Variants in SCOC observed in about 807,000 individuals in gnomAD.
The protein encoded by SCOC is short coiled coil protein.
In SCOC, 7 loss-of-function variants were observed where a neutral mutation model predicts 9.9. The ratio of observed to expected loss-of-function variants is 0.71; its 90% CI spans 0.40 to 1.33. The LOEUF (loss-of-function observed/expected upper bound fraction) is 1.33, where lower values mean the gene tolerates loss of function less well. Ranked by LOEUF, SCOC falls within the 40% of genes most tolerant of loss-of-function variation. The pLI is 0.01. For synonymous variants in SCOC, 19 were observed against 28.2 expected, an observed-to-expected ratio of 0.67 and a Z score of 1.03; for missense variants, 66 against 89.7, an observed-to-expected ratio of 0.74 and a Z score of 1.07.
At chr4:140,354,509 CTTTTTTTTT>C (rs397878492) in intron 2 of SCOC, among the ~76,000 whole-genome samples, 2 of 103,730 alleles carry the variant, frequency 1.9e-5, no homozygotes, top group Admixed American at 2.1e-4. Context: ...TCTCAAAGAA[CTTTTTTTTT>C]TTTTTTTTTT....
intron 1 of SCOC, among the ~76,000 whole-genome samples, chr4:140,278,547 C>A (rs1731034851): frequency 6.6e-6 from 1 of 152,174 alleles, no homozygotes; most frequent in Admixed American, 6.5e-5. Context: ...TGTCCACCCG[C>A]CTCAGCCTCC....
At chr4:140,351,169 A>C (rs1259988877) in intron 2 of SCOC, among the ~76,000 whole-genome samples, 1 of 151,722 alleles carries the variant, frequency 6.6e-6, no homozygotes, top group African/African-American at 2.4e-5. Context: ...CAGCCTGGGC[A>C]ACAAGAGCGA....
chr4:140,339,751 A>T (rs1206085329), upstream of SCOC, among the ~76,000 whole-genome samples: 1 of 152,214 alleles, frequency 6.6e-6, no homozygotes, highest in Non-Finnish European at 1.5e-5. Flanking sequence ...CCACAATGAG[A>T]TACCATCTCA....
At chr4:140,335,637 T>A (rs114912638) in intron 1 of SCOC, among the ~76,000 whole-genome samples, 2,256 of 152,252 alleles carry the variant, frequency 0.015, 64 homozygotes, top group African/African-American at 0.052. Context: ...CCTGATTGCA[T>A]ACACTCCAGA....
At chr4:140,299,700 A>G (rs562632896) in intron 1 of SCOC, among the ~76,000 whole-genome samples, 1 of 152,266 alleles carries the variant, frequency 6.6e-6, no homozygotes, top group African/African-American at 2.4e-5. Flanking sequence ...TATTTATGAG[A>G]CTTTATTTCT....
chr4:140,276,397 C>T (rs577939904), intron 1 of SCOC, among the ~76,000 whole-genome samples: 26 of 152,120 alleles, frequency 1.7e-4, no homozygotes, highest in Middle Eastern at 3.4e-3. Context: ...CCTTGGCCTC[C>T]CAAAGTGCTG....
At chr4:140,326,301 C>A (rs1378264714) in intron 1 of SCOC, among the ~76,000 whole-genome samples, 1 of 151,604 alleles carries the variant, frequency 6.6e-6, no homozygotes, top group African/African-American at 2.4e-5. Flanking sequence ...CCCCATAGAA[C>A]AGTAGTCTAC....
chr4:140,367,616 G>C (rs1424748249), intron 2 of SCOC, among the ~76,000 whole-genome samples: 1 of 152,042 alleles, frequency 6.6e-6, no homozygotes, highest in Non-Finnish European at 1.5e-5. Flanking sequence ...CTGACCTCAT[G>C]ATCCACCTGC....
At position 140,376,253 on chromosome 4, in the gene SCOC, A is replaced by G. The variant is rs139202101; in HGVS notation, c.-51+2536A>G. Among the ~76,000 whole-genome samples the G allele has an allele frequency of 3.2e-3, 482 of 152,334 alleles. 5 individuals are homozygous for G. The highest frequency in any genetic ancestry group is 0.011 in the African/African-American group (456 of 41,582). Reference sequence around the variant, plus strand: ...CAAGTCTTTTGATCCCATATGTCAAACAAATCAGTTTATTGCCCTAAATCT... The same window carrying G: ...CAAGTCTTTTGATCCCATATGTCAAGCAAATCAGTTTATTGCCCTAAATCT... On this transcript the variant is annotated intron_variant, in intron 1 of 3. Transcript: ENST00000608372.
At chr4:140,310,583 T>G (rs1247962384) in intron 1 of SCOC, among the ~76,000 whole-genome samples, 2 of 152,230 alleles carry the variant, frequency 1.3e-5, no homozygotes, top group Non-Finnish European at 2.9e-5. Context: ...TTCTCCCTCG[T>G]GCATTCCTGC....
chr4:140,284,743 A>C, intron 1 of SCOC: 1 of 150,786 alleles, frequency 6.6e-6, no homozygotes, highest in South Asian at 2.1e-4. Context: ...GAGCCAGTGA[A>C]TCTGACTACA....
rs545453992 is a variant in SCOC, at chr4:140,343,495, G to C, written c.-19+26G>C. ...GTGAGAACTTCTCAGGTGGAAAGCA[G>C]GAAGAGGGTGGCTAGTGCAAGGATC... is the stretch of plus-strand genomic sequence containing the variant. On this transcript the variant is annotated intron_variant, in intron 1 of 4. Transcript: ENST00000338517. 3.6e-5 allele frequency: 22 copies of C among 608,152 alleles called. No homozygotes were observed. The South Asian group carries it at 4.7e-4, about 13-fold the overall frequency. 37.7% of individuals were successfully genotyped at this position (608,152 alleles called of 1,614,324 possible).
rs1255086077 is a variant in SCOC at position 140,385,170 on chromosome 4, T to C, written c.*4066T>C. On this transcript the variant is annotated 3_prime_UTR_variant, in exon 4 of 4. Transcript: ENST00000608372. ...TATGCAAAATGTGTCCTCTTTATAGTCCCTTTGGACTCACAGCAGGTTACT... is the reference window on the plus strand; with the variant it reads ...TATGCAAAATGTGTCCTCTTTATAGCCCCTTTGGACTCACAGCAGGTTACT... 6.6e-6 allele frequency: 1 copy of C among 152,190 alleles called. No individual in the cohort carries two copies. Among genetic ancestry groups the C allele is most frequent in the African/African-American group, 2.4e-5 (1 of 41,450 alleles). The allele number at this position is 152,190 out of a possible 1,614,324, so 9.4% of individuals were successfully genotyped here. A position where few individuals can be genotyped will look rare whatever the true frequency, so the allele number is the denominator to read the frequency against.
rs536722304 is a variant in SCOC at position 140,345,523 on chromosome 4, A to C, written c.70+1815A>C. On this transcript the variant is annotated intron_variant, in intron 2 of 4. Transcript: ENST00000338517. ...CTGGTAACACTGGTTCATCTTTGTT[A>C]ATAAAACGTTCTTGGGCTTTGATAA... Among the ~76,000 whole-genome samples, 17 of 152,318 alleles carry C rather than the reference A, an allele frequency of 1.1e-4. 1 individual carries two copies. In the South Asian group the frequency reaches 3.5e-3, roughly 32 times the overall value.
chr4:140,375,881 G>C (rs1411060507), intron 1 of SCOC, among the ~76,000 whole-genome samples: 1 of 152,160 alleles, frequency 6.6e-6, no homozygotes, highest in Admixed American at 6.5e-5. Flanking sequence ...GGGTAAGGTG[G>C]TTTAGGATAG....
intron 1 of SCOC, among the ~76,000 whole-genome samples, chr4:140,328,763 T>G (rs1732725275): frequency 6.6e-6 from 1 of 152,230 alleles, no homozygotes; most frequent in Non-Finnish European, 1.5e-5. Context: ...TGATTCCATC[T>G]GACACATGTC....
At chr4:140,286,261 T>G (rs1015826519) in intron 1 of SCOC, among the ~76,000 whole-genome samples, 2 of 151,510 alleles carry the variant, frequency 1.3e-5, no homozygotes, top group African/African-American at 4.9e-5. Flanking sequence ...GTGGCTGGCA[T>G]AGAGTAGGTA....
At chr4:140,365,738 G>C (rs758955383) in intron 2 of SCOC, among the ~76,000 whole-genome samples, 1 of 152,040 alleles carries the variant, frequency 6.6e-6, no homozygotes, top group Admixed American at 6.6e-5. Flanking sequence ...CCACTTCCAC[G>C]TAATGTAAAT....
chr4:140,323,888 TAA>T (rs1315559196), intron 1 of SCOC, among the ~76,000 whole-genome samples: 1 of 152,118 alleles, frequency 6.6e-6, no homozygotes, highest in African/African-American at 2.4e-5. Context: ...AGCATTACCC[TAA>T]GACTCAAACC....
Sources: gnomAD v4.1 joint callset for allele counts (sites outside exome capture counted in the v4.1 genomes callset) on GRCh38, gnomAD v4.1.1 for gene constraint, MANE v1.5 for transcripts, NCBI Gene and HGNC (gene_info 2026-07-23, HGNC 2026-07-21) for gene names.